ZNF616: variants seen among roughly 807,000 people sequenced by gnomAD.
ZNF616 encodes the protein zinc finger protein 616.
In ZNF616, 5 loss-of-function variants were observed where a neutral mutation model predicts 7.6. That is an observed-to-expected ratio of 0.66 (90% CI 0.34 to 1.38). ZNF616 has a LOEUF of 1.38. Ranked by LOEUF, ZNF616 falls within the 40% of genes most tolerant of loss-of-function variation. The pLI, the probability that ZNF616 is intolerant of heterozygous loss-of-function variation, is 0.04. For missense variants in ZNF616, 913 were observed against 948.3 expected (o/e 0.96, Z 0.49); for synonymous variants, 319 against 317.2 (o/e 1.01, Z -0.06).
intron 2 of ZNF616, among the ~76,000 whole-genome samples, chr19:52,129,786 A>T (rs2088941604): frequency 6.9e-6 from 1 of 144,620 alleles, no homozygotes; most frequent in African/African-American, 2.5e-5. Flanking sequence ...CCTTTTCCAT[A>T]TTTTTTTTTT....
rs759966710 is a variant in ZNF616 at position 52,114,829 on chromosome 19, T to A, written c.2335A>T (p.Thr779Ser). ...GESLTTKLNV[T>S]RP ...AACTAGGACAACGTCTAAGGCCTTG[T>A]CACATTGAGTTTAGTTGTAAGGCTC... is the stretch of plus-strand genomic sequence containing the variant. The change falls in exon 4 of 4, where the codon ACA becomes TCA. Residue 779 changes from threonine to serine, a missense_variant. Thr to Ser is a moderately conservative substitution (Grantham distance 58). Transcript: ENST00000600228. 6.3e-7 allele frequency: 1 copy of A among 1,578,810 alleles called. No homozygotes were observed. The highest frequency in any genetic ancestry group is 1.2e-5 in the South Asian group (1 of 84,550).
rs2089043567 is a variant in ZNF616 at position 52,139,887 on chromosome 19, A to AAC, written c.-234_-233dup. ...GTAATGTTTAATCCACGTAGACTGA[A>AAC]ACACACACACAGCGATAAGGCCTTT... is the stretch of plus-strand genomic sequence containing the variant. On this transcript the variant is annotated 5_prime_UTR_variant, in exon 1 of 4. Coordinates refer to ENST00000600228, the MANE Select transcript of ZNF616 (RefSeq NM_178523.5). The surrounding 1 kb of genome is among the most constrained non-coding windows in gnomAD (Gnocchi z 4.1). 6.6e-6 allele frequency: 1 copy of AAC among 152,234 alleles called. No individual in the cohort carries two copies. Among genetic ancestry groups the AAC allele is most frequent in the African/African-American group, 2.4e-5 (1 of 41,440 alleles). 9.4% of individuals were successfully genotyped at this position (152,234 alleles called of 1,614,324 possible).
At chr19:52,134,101 A>G (rs2088987519) in intron 1 of ZNF616, among the ~76,000 whole-genome samples, 2 of 152,166 alleles carry the variant, frequency 1.3e-5, no homozygotes, top group Admixed American at 6.6e-5. Flanking sequence ...AGCCTCCCGC[A>G]CTACCAGACC....
chr19:52,133,178 T>C (rs1380057963), intron 1 of ZNF616, among the ~76,000 whole-genome samples: 2 of 152,060 alleles, frequency 1.3e-5, no homozygotes, highest in African/African-American at 4.8e-5. Context: ...ACGGAGAGTA[T>C]AAATAAGATT....
At chr19:52,136,136 A>C (rs1019997428) in intron 1 of ZNF616, among the ~76,000 whole-genome samples, 1 of 135,726 alleles carries the variant, frequency 7.4e-6, no homozygotes, top group African/African-American at 2.8e-5. Context: ...TCTCAAAAAA[A>C]AAAAAAGCGG....
intron 1 of ZNF616, among the ~76,000 whole-genome samples, chr19:52,133,611 C>A (rs966969631): frequency 1.3e-5 from 2 of 151,978 alleles, no homozygotes; most frequent in Non-Finnish European, 1.5e-5. Context: ...CTCCGCCTCC[C>A]GGGTTCAAGC....
intron 3 of ZNF616, among the ~76,000 whole-genome samples, chr19:52,119,604 C>A (rs1459457658): frequency 6.6e-6 from 1 of 152,036 alleles, no homozygotes; most frequent in African/African-American, 2.4e-5. Flanking sequence ...GTGCATGGGG[C>A]AGCAGGGTTT....
At chr19:52,127,617 T>C (rs2088921102) in intron 2 of ZNF616, among the ~76,000 whole-genome samples, 1 of 152,158 alleles carries the variant, frequency 6.6e-6, no homozygotes, top group Non-Finnish European at 1.5e-5. Flanking sequence ...AGCCAGGCCT[T>C]CCAAAGAAAG....
At chr19:52,125,245 T>C (rs2088895896) in intron 2 of ZNF616, among the ~76,000 whole-genome samples, 1 of 152,214 alleles carries the variant, frequency 6.6e-6, no homozygotes, top group Non-Finnish European at 1.5e-5. Context: ...TGCATCTAAC[T>C]ATAATCTAAA....
At chr19:52,134,156 T>A (rs1414716219) in intron 1 of ZNF616, among the ~76,000 whole-genome samples, 1 of 152,148 alleles carries the variant, frequency 6.6e-6, no homozygotes, top group Non-Finnish European at 1.5e-5. Context: ...ATTAGCAAAC[T>A]GACCCTTGAA....
chr19:52,134,717 G>C (rs1036149092), intron 1 of ZNF616, among the ~76,000 whole-genome samples: 1 of 152,128 alleles, frequency 6.6e-6, no homozygotes, highest in Non-Finnish European at 1.5e-5. Context: ...TTAAGTGTGA[G>C]AGTAGAAAGG....
intron 1 of ZNF616, 108 bp from the exon 2 acceptor site, chr19:52,130,696 G>T: frequency 2.8e-6 from 2 of 712,194 alleles, no homozygotes; most frequent in Non-Finnish European, 4.6e-6. Flanking sequence ...ACAGCCCACT[G>T]CACCAGGGGG....
At position 52,116,993 on chromosome 19, in the gene ZNF616, T is replaced by C. The variant is rs1263802643; in HGVS notation, c.171A>G (p.Leu57=). ...CTGTATTACTGTTCTCTGTTGGTGG[T>C]AATTCCTTGATCACACATTTAGGAG... The part of the protein sequence containing the change: ...GISPKCVIKE[L]PPTENSNTGE... Residue 57 remains leucine (L), a synonymous_variant, in exon 4 of 4, where the codon TTA becomes TTG. Coordinates refer to ENST00000600228, the MANE Select transcript of ZNF616 (RefSeq NM_178523.5). The C allele has an allele frequency of 3.1e-6, 5 of 1,590,316 alleles. No homozygotes were observed. The South Asian group carries it at 5.8e-5, about 18-fold the overall frequency.
chr19:52,115,656 C>T lies in ZNF616; in HGVS notation c.1508G>A (p.Ser503Asn). 1 of 1,614,166 alleles carries T rather than the reference C, an allele frequency of 6.2e-7. No homozygotes were observed. The highest frequency in any genetic ancestry group is 8.5e-7 in the Non-Finnish European group (1 of 1,180,012). Residue 503 changes from serine (S) to asparagine (N), a missense_variant, in exon 4 of 4, where the codon AGT becomes AAT. Ser to Asn is a conservative substitution (Grantham distance 46). Coordinates refer to ENST00000600228, the MANE Select transcript of ZNF616 (RefSeq NM_178523.5). ...YKCNECGKVF[S>N]QHSRLAVHRR... ...ATGCACTGCAAGACGTGAATGTTGA[C>T]TGAAGACCTTGCCACATTCATTGCA...
At chr19:52,128,214 A>G (rs950950813) in intron 2 of ZNF616, among the ~76,000 whole-genome samples, 55 of 150,640 alleles carry the variant, frequency 3.7e-4, no homozygotes, top group African/African-American at 1.3e-3. Flanking sequence ...ACTTACTACT[A>G]TGTTCTGTTT....
At chr19:52,117,150 C>T in intron 3 of ZNF616, 126 bp from the exon 4 acceptor site, 1 of 726,550 alleles carries the variant, frequency 1.4e-6, no homozygotes, top group Non-Finnish European at 2.1e-6. Flanking sequence ...AGTTCTCCAC[C>T]ATGATCTTTT....
At position 52,139,459 on chromosome 19, in the gene ZNF616, G is replaced by T. The variant is rs2089040003; in HGVS notation, c.-77+273C>A. 6.6e-6 allele frequency among the ~76,000 whole-genome samples: 1 copy of T among 152,150 alleles called. No individual in the cohort carries two copies. The highest frequency in any genetic ancestry group is 1.5e-5 in the Non-Finnish European group (1 of 68,012). Reference sequence around the variant, plus strand: ...GGGTCTGCAGAATCCCAGGACCTGGGAGAAGAAGCGGCTCCTTCAGGAGCT... The same window carrying T: ...GGGTCTGCAGAATCCCAGGACCTGGTAGAAGAAGCGGCTCCTTCAGGAGCT... On this transcript the variant is annotated intron_variant, in intron 1 of 3. Coordinates refer to ENST00000600228, the MANE Select transcript of ZNF616 (RefSeq NM_178523.5). This position sits in a 1 kb window ranked among gnomAD's most constrained non-coding sequence, Gnocchi z 4.1.
In ZNF616 at chr19:52,116,958, A is replaced by G. The variant is rs116667146; in HGVS notation, c.206T>C (p.Phe69Ser). 18 of 1,613,216 alleles carry G rather than the reference A, an allele frequency of 1.1e-5. No homozygotes were observed. In the East Asian group the frequency reaches 3.6e-4, roughly 32 times the overall value. ...ATGTCTTTCCAGTGCCACTGTTTGG[A>G]ACCTTTCTCCTGTATTACTGTTCTC... ...PTENSNTGER[F>S]QTVALERHQS... Residue 69 changes from phenylalanine (F) to serine (S), a missense_variant, in exon 4 of 4, where the codon TTC (phenylalanine) becomes TCC (serine). By Grantham distance (155) the Phe-to-Ser change is radical. Transcript: ENST00000600228.
At position 52,127,115 on chromosome 19, in the gene ZNF616, C is replaced by T. The variant is rs577418480; in HGVS notation, c.13-3066G>A. The stretch of plus-strand genomic sequence containing the variant: ...TGTCACCCAGGCAGGAGTGCAGTGG[C>T]ACGATCTCAGCTCACTGCAACCTCC... On this transcript the variant is annotated intron_variant, in intron 2 of 3. Transcript: ENST00000600228. Among the ~76,000 whole-genome samples, 8 of 151,930 alleles carry T rather than the reference C, an allele frequency of 5.3e-5. No homozygotes were observed. The East Asian group carries it at 1.2e-3, about 22-fold the overall frequency.
Sources: allele counts gnomAD v4.1 joint callset (sites outside exome capture counted in the v4.1 genomes callset), GRCh38; gene constraint gnomAD v4.1.1; non-coding constraint Gnocchi (gnomAD v3.1); transcripts MANE v1.5; gene names NCBI Gene and HGNC (gene_info 2026-07-23, HGNC 2026-07-21).